Variants in SLC8A1 observed in about 807,000 individuals in gnomAD.
SLC8A1 encodes sodium/calcium exchanger 1.
SLC8A1 carries 18 observed loss-of-function variants against 68.3 expected under a neutral mutation model. That is an observed-to-expected ratio of 0.26 (90% CI 0.18 to 0.39). SLC8A1 has a LOEUF of 0.39. Ranked by LOEUF, SLC8A1 falls within the 10% of genes least tolerant of loss-of-function variation. SLC8A1 has a pLI of 1.00. For synonymous variants in SLC8A1, 475 were observed against 415.5 expected (o/e 1.14, Z -1.74); for missense variants, 985 against 1,156.7 (o/e 0.85, Z 2.15).
chr2:40,370,616 G>C (rs1677722660), intron 2 of SLC8A1, among the ~76,000 whole-genome samples: 1 of 151,896 alleles, frequency 6.6e-6, no homozygotes, highest in South Asian at 2.1e-4. Context: ...CATTTAACTT[G>C]AATAATGAAT....
intron 2 of SLC8A1, among the ~76,000 whole-genome samples, chr2:40,290,401 C>T (rs1411987019): frequency 6.6e-6 from 1 of 152,206 alleles, no homozygotes; most frequent in East Asian, 1.9e-4. Flanking sequence ...ACTTCATTTT[C>T]TTTGCACAAC....
intron 2 of SLC8A1, among the ~76,000 whole-genome samples, chr2:40,237,747 T>C (rs2060596856): frequency 1.3e-5 from 2 of 152,132 alleles, no homozygotes; most frequent in African/African-American, 4.8e-5. Flanking sequence ...TATCTACTTT[T>C]GGTCTTTGAT....
chr2:40,441,144 G>A (rs934820543), intron 1 of SLC8A1, among the ~76,000 whole-genome samples: 1 of 152,062 alleles, frequency 6.6e-6, no homozygotes, highest in African/African-American at 2.4e-5. Context: ...TAGAAAAGCA[G>A]AAAGCCAAAT....
intron 2 of SLC8A1, among the ~76,000 whole-genome samples, chr2:40,234,748 G>C (rs893906401): frequency 5.9e-5 from 9 of 152,070 alleles, no homozygotes; most frequent in African/African-American, 2.2e-4. Flanking sequence ...GTCATAGATA[G>C]CTCTTATTAT....
Position 40,144,752 on chromosome 2 carries a change from A to T in SLC8A1, c.2162-5076T>A, listed in dbSNP as rs75443131. Among the ~76,000 whole-genome samples the T allele has an allele frequency of 3.0e-3, 451 of 152,296 alleles. 3 individuals are homozygous for T. The highest frequency in any genetic ancestry group is 0.01 in the African/African-American group (434 of 41,578). ...AACAATCAGGTAAAAGCAGGGGATC[A>T]TGGTGTGACTGTTTTGGAACCTCTA... On this transcript the variant is annotated intron_variant, in intron 6 of 7. Coordinates refer to ENST00000406785, the Ensembl canonical transcript of SLC8A1.
intron 2 of SLC8A1, among the ~76,000 whole-genome samples, chr2:40,293,445 A>G (rs1392561060): frequency 6.6e-6 from 1 of 152,202 alleles, no homozygotes; most frequent in Non-Finnish European, 1.5e-5. Context: ...ATAAACCTTA[A>G]TCTAAACTTG....
chr2:40,186,294 A>G (rs2050687823), intron 2 of SLC8A1, among the ~76,000 whole-genome samples: 1 of 152,194 alleles, frequency 6.6e-6, no homozygotes, highest in Non-Finnish European at 1.5e-5. Flanking sequence ...TACTACCTAC[A>G]GGAGATGATG....
chr2:40,263,118 G>A (rs2064920813), intron 2 of SLC8A1, among the ~76,000 whole-genome samples: 1 of 152,216 alleles, frequency 6.6e-6, no homozygotes, highest in African/African-American at 2.4e-5. Context: ...TGAAAAGCAT[G>A]GGCTGAGCAG....
At chr2:40,328,860 C>T (rs957353235) in intron 2 of SLC8A1, among the ~76,000 whole-genome samples, 2 of 152,140 alleles carry the variant, frequency 1.3e-5, no homozygotes, top group East Asian at 1.9e-4. Context: ...CCAGCTTCAG[C>T]CCCTTCAATC....
intron 2 of SLC8A1, among the ~76,000 whole-genome samples, chr2:40,417,527 G>A (rs1299084790): frequency 6.6e-6 from 1 of 152,004 alleles, no homozygotes; most frequent in Non-Finnish European, 1.5e-5. Context: ...TTGTTTTTCT[G>A]AGACAAGGTC....
intron 2 of SLC8A1, among the ~76,000 whole-genome samples, chr2:40,396,044 A>G (rs1388133837): frequency 2.0e-5 from 3 of 152,154 alleles, no homozygotes; most frequent in Non-Finnish European, 2.9e-5. Flanking sequence ...GAAATGGGAA[A>G]GGGGTAAAAG....
chr2:40,384,529 A>G (rs949913115), intron 2 of SLC8A1, among the ~76,000 whole-genome samples: 4 of 152,084 alleles, frequency 2.6e-5, no homozygotes, highest in Admixed American at 2.6e-4. Context: ...AACATAGAAG[A>G]CAGAACTAAA....
At chr2:40,236,733 T>A (rs1224476926) in intron 2 of SLC8A1, among the ~76,000 whole-genome samples, 1 of 152,232 alleles carries the variant, frequency 6.6e-6, no homozygotes, top group Admixed American at 6.5e-5. Flanking sequence ...TTGCAGCCGC[T>A]GGTACTGGTT....
chr2:40,458,953 G>T (rs955023048), intron 1 of SLC8A1, among the ~76,000 whole-genome samples: 15 of 152,124 alleles, frequency 9.9e-5, no homozygotes, highest in African/African-American at 3.6e-4. Flanking sequence ...AAAAAGCTGG[G>T]TAGAACAGAG....
At chr2:40,490,698 A>C (rs1033211204) in intron 1 of SLC8A1, among the ~76,000 whole-genome samples, 2 of 152,142 alleles carry the variant, frequency 1.3e-5, no homozygotes, top group Non-Finnish European at 2.9e-5. Context: ...GTCCAAGAAT[A>C]AAACTCAAAA....
intron 1 of SLC8A1, among the ~76,000 whole-genome samples, chr2:40,470,289 CTT>C (rs1703928920): frequency 6.6e-6 from 1 of 151,958 alleles, no homozygotes; most frequent in African/African-American, 2.4e-5. Flanking sequence ...ATCTAGCAAA[CTT>C]TATAAAATTT....
At chr2:40,304,675 C>T (rs2072230037) in intron 2 of SLC8A1, among the ~76,000 whole-genome samples, 2 of 152,154 alleles carry the variant, frequency 1.3e-5, no homozygotes, top group Admixed American at 6.5e-5. Flanking sequence ...CTTGACCCAG[C>T]CACTGCCTCA....
intron 2 of SLC8A1, among the ~76,000 whole-genome samples, chr2:40,393,876 A>G (rs1686064550): frequency 6.6e-6 from 1 of 152,136 alleles, no homozygotes; most frequent in African/African-American, 2.4e-5. Context: ...TTTTATTTTT[A>G]TGCCTATTAC....
intron 2 of SLC8A1, among the ~76,000 whole-genome samples, chr2:40,377,875 G>C (rs1680432824): frequency 6.6e-6 from 1 of 152,106 alleles, no homozygotes; most frequent in South Asian, 2.1e-4. Flanking sequence ...CTGAAATCTT[G>C]TGTCCTATGG....
Sources: allele counts gnomAD v4.1 joint callset (sites outside exome capture counted in the v4.1 genomes callset), GRCh38; gene constraint gnomAD v4.1.1; transcripts MANE v1.5; gene names NCBI Gene and HGNC (gene_info 2026-07-23, HGNC 2026-07-21).